Variants in FHIT observed in about 807,000 individuals in gnomAD.
FHIT encodes the protein fragile histidine triad diadenosine triphosphatase.
In FHIT, 19 loss-of-function variants were observed where a neutral mutation model predicts 17.9. The ratio of observed to expected loss-of-function variants is 1.06; its 90% CI spans 0.74 to 1.56. The LOEUF (loss-of-function observed/expected upper bound fraction) is 1.56, where lower values mean the gene tolerates loss of function less well. Among genes scored for constraint, FHIT ranks in the 40% most tolerant of loss-of-function variants. The pLI, the probability that FHIT is intolerant of heterozygous loss-of-function variation, is 0.00. For missense variants in FHIT, 248 were observed against 189.2 expected (o/e 1.31, Z -1.82); for synonymous variants, 81 against 69.7 (o/e 1.16, Z -0.81).
At chr3:60,805,423 G>T (rs1305068087) in intron 4 of FHIT, among the ~76,000 whole-genome samples, 1 of 151,986 alleles carries the variant, frequency 6.6e-6, no homozygotes, top group African/African-American at 2.4e-5. Flanking sequence ...CATGTCACAT[G>T]GTCTTTCCTC....
At chr3:60,377,988 A>C (rs1700644406) in intron 5 of FHIT, among the ~76,000 whole-genome samples, 1 of 152,154 alleles carries the variant, frequency 6.6e-6, no homozygotes, top group African/African-American at 2.4e-5. Flanking sequence ...TAATGTTCTG[A>C]AACACATGAA....
intron 7 of FHIT, among the ~76,000 whole-genome samples, chr3:59,929,804 C>G (rs947925374): frequency 6.6e-6 from 1 of 151,440 alleles, no homozygotes; most frequent in African/African-American, 2.4e-5. Flanking sequence ...GTTAATCTCA[C>G]TACCAAGCAA....
chr3:59,935,652 GTGGATGGGTGA>G (rs1304780274), intron 7 of FHIT, among the ~76,000 whole-genome samples: 1 of 151,706 alleles, frequency 6.6e-6, no homozygotes, highest in African/African-American at 2.4e-5. Context: ...GATGGGTGGG[GTGGATGGGTGA>G]TGGATGGGTG....
At chr3:60,268,080 T>A (rs1706677334) in intron 5 of FHIT, among the ~76,000 whole-genome samples, 1 of 152,182 alleles carries the variant, frequency 6.6e-6, no homozygotes, top group Non-Finnish European at 1.5e-5. Context: ...TGGATATCAT[T>A]CATAGAACCT....
chr3:60,324,540 G>A (rs955974442), intron 5 of FHIT, among the ~76,000 whole-genome samples: 23 of 146,488 alleles, frequency 1.6e-4, no homozygotes, highest in African/African-American at 4.6e-4. Flanking sequence ...AGCCAAGATC[G>A]CCAAGCCTGG....
intron 5 of FHIT, among the ~76,000 whole-genome samples, chr3:60,048,456 G>T (rs558232898): frequency 6.6e-6 from 1 of 152,156 alleles, no homozygotes; most frequent in African/African-American, 2.4e-5. Flanking sequence ...GATTACAGGC[G>T]TGAGTCTCTA....
chr3:59,944,240 C>T (rs924438824), intron 7 of FHIT, among the ~76,000 whole-genome samples: 1 of 152,196 alleles, frequency 6.6e-6, no homozygotes, highest in Non-Finnish European at 1.5e-5. Context: ...ACCCAGGACA[C>T]TGACATTGGT....
chr3:59,752,411 A>T (rs1300298079), intron 8 of FHIT, 90 bp from the exon 9 acceptor site: 1 of 898,650 alleles, frequency 1.1e-6, no homozygotes, highest in African/African-American at 1.7e-5. Flanking sequence ...ACTGAACAAA[A>T]TTTGCAAATT....
chr3:60,512,484 G>C (rs1296566567), intron 5 of FHIT, among the ~76,000 whole-genome samples: 1 of 152,148 alleles, frequency 6.6e-6, no homozygotes, highest in African/African-American at 2.4e-5. Context: ...GACCAGCATA[G>C]TTCTCCTTTA....
chr3:60,614,694 T>G (rs1171683606), intron 4 of FHIT, among the ~76,000 whole-genome samples: 2 of 151,998 alleles, frequency 1.3e-5, no homozygotes, highest in Admixed American at 6.6e-5. Context: ...ATTGACAGCA[T>G]AGAAATTATT....
Position 60,109,299 on chromosome 3 carries a change from G to C in FHIT, c.104-95147C>G, listed in dbSNP as rs80326531. Among the ~76,000 whole-genome samples, 1,192 of 152,186 alleles carry C rather than the reference G, an allele frequency of 7.8e-3. 10 individuals are homozygous for C. The highest frequency in any genetic ancestry group is 0.027 in the African/African-American group (1,102 of 41,532). On this transcript the variant is annotated intron_variant, in intron 5 of 9. Coordinates refer to ENST00000492590, the MANE Select transcript of FHIT (RefSeq NM_002012.4). The stretch of plus-strand genomic sequence containing the variant: ...CTTCAGTTAATGTCATTCACACAAG[G>C]AATTTATCAGCAGAGTTTGTGTTTG...
intron 2 of FHIT, among the ~76,000 whole-genome samples, chr3:61,081,611 T>A (rs952757369): frequency 7.9e-5 from 12 of 152,220 alleles, no homozygotes; most frequent in African/African-American, 2.9e-4. Context: ...TCTGGTAGAA[T>A]CCTTCCTTGC....
chr3:59,831,004 T>C (rs550781859), intron 8 of FHIT, among the ~76,000 whole-genome samples: 1 of 152,296 alleles, frequency 6.6e-6, no homozygotes, highest in South Asian at 2.1e-4. Context: ...TGCTTTGGGC[T>C]GTAGTTCTGT....
chr3:59,993,757 A>C (rs1254554560), intron 7 of FHIT, among the ~76,000 whole-genome samples: 1 of 151,852 alleles, frequency 6.6e-6, no homozygotes, highest in African/African-American at 2.4e-5. Context: ...ACGGGGTCTC[A>C]GTTCCTGTTC....
At position 60,288,962 on chromosome 3, in the gene FHIT, T is replaced by C. The variant is rs1227609285; in HGVS notation, c.103+247898A>G. On this transcript the variant is annotated intron_variant, in intron 5 of 9. Coordinates refer to ENST00000492590, the MANE Select transcript of FHIT (RefSeq NM_002012.4). ...ACAAGTACTGCCAATGCCACCGTGG[T>C]CTTTTGCCTATATTCACACTTGAAA... is the stretch of plus-strand genomic sequence containing the variant. Among the ~76,000 whole-genome samples, 4 of 152,192 alleles carry C rather than the reference T, an allele frequency of 2.6e-5. No individual in the cohort carries two copies. In the East Asian group the frequency reaches 7.7e-4, roughly 29 times the overall value.
intron 3 of FHIT, among the ~76,000 whole-genome samples, chr3:60,991,832 A>C (rs373326927): frequency 6.6e-6 from 1 of 152,146 alleles, no homozygotes; most frequent in East Asian, 1.9e-4. Flanking sequence ...ATTAGGAAGA[A>C]GAAAGAGAAG....
intron 3 of FHIT, among the ~76,000 whole-genome samples, chr3:60,907,655 T>C (rs4561778): frequency 6.6e-6 from 1 of 152,034 alleles, no homozygotes; most frequent in Admixed American, 6.5e-5. Context: ...ATGACTGAAA[T>C]GCAAATGATT....
At chr3:60,845,004 A>G (rs1553746066) in intron 3 of FHIT, among the ~76,000 whole-genome samples, 1 of 152,062 alleles carries the variant, frequency 6.6e-6, no homozygotes, top group African/African-American at 2.4e-5. Flanking sequence ...AATAAATCCC[A>G]TTATTTTTGG....
chr3:60,552,317 G>A (rs2036588040), intron 4 of FHIT, among the ~76,000 whole-genome samples: 1 of 152,176 alleles, frequency 6.6e-6, no homozygotes, highest in South Asian at 2.1e-4. Flanking sequence ...GTGGACTTAT[G>A]TTTTCAATTA....
Sources: gnomAD v4.1 joint callset for allele counts (sites outside exome capture counted in the v4.1 genomes callset) on GRCh38, gnomAD v4.1.1 for gene constraint, MANE v1.5 for transcripts, NCBI Gene and HGNC (gene_info 2026-07-23, HGNC 2026-07-21) for gene names.